The following PCLO variants were observed in gnomAD, a reference collection of about 807,000 sequenced individuals.
PCLO encodes piccolo presynaptic cytomatrix protein.
Under a neutral mutation model 427.5 loss-of-function variants are expected in PCLO, and 82 were observed. That is an observed-to-expected ratio of 0.19 (90% CI 0.16 to 0.23). The LOEUF is 0.23. Ranked by LOEUF, PCLO falls within the 10% of genes least tolerant of loss-of-function variation. The pLI, the probability that PCLO is intolerant of heterozygous loss-of-function variation, is 1.00. For synonymous variants in PCLO, 2,357 were observed against 2,155.4 expected, an observed-to-expected ratio of 1.09 and a Z score of -2.59; for missense variants, 6,239 against 6,115.9, an observed-to-expected ratio of 1.02 and a Z score of -0.67.
At chr7:82,908,797 T>A (rs1794252620) in intron 8 of PCLO, 80 bp downstream of exon 8, 1 of 1,211,866 alleles carries the variant, frequency 8.3e-7, no homozygotes, top group East Asian at 2.4e-5. Flanking sequence ...TCATTCCTTT[T>A]AGGACAATTA....
rs1790346105 is a variant in PCLO, at chr7:82,757,638, A to G, written c.*937T>C. ...TCAACAGAAAGGAAATGTGCAGGAT[A>G]ATACATTTATTTGCAGTTTCACAAA... is the stretch of plus-strand genomic sequence containing the variant. On this transcript the variant is annotated 3_prime_UTR_variant, in exon 25 of 25. Coordinates refer to ENST00000333891, the MANE Select transcript of PCLO (RefSeq NM_033026.6). 1 of 151,964 alleles carries G rather than the reference A, an allele frequency of 6.6e-6. No individual in the cohort carries two copies. The highest frequency in any genetic ancestry group is 1.5e-5 in the Non-Finnish European group (1 of 67,918). The allele number at this position is 151,964 out of a possible 1,614,324, so 9.4% of individuals were successfully genotyped here.
At chr7:82,795,099 A>G (rs1791198235) in intron 22 of PCLO, among the ~76,000 whole-genome samples, 1 of 152,140 alleles carries the variant, frequency 6.6e-6, no homozygotes, top group Non-Finnish European at 1.5e-5. Flanking sequence ...TTTTAAATTT[A>G]ATCTCCTTAA....
At position 83,050,314 on chromosome 7, in the gene PCLO, C is replaced by A. The variant is rs75411469; in HGVS notation, c.3301-83827G>T. On this transcript the variant is annotated intron_variant, in intron 3 of 24. Coordinates refer to ENST00000333891, the MANE Select transcript of PCLO (RefSeq NM_033026.6). ...ACAAAACCAAAAAAGCAAATACTTTCTAAACCAATTAGAATATTATCTGGC... is the reference window on the plus strand; with the variant it reads ...ACAAAACCAAAAAAGCAAATACTTTATAAACCAATTAGAATATTATCTGGC... Among the ~76,000 whole-genome samples, 209 of 134,020 alleles carry A rather than the reference C, an allele frequency of 1.6e-3. 3 individuals carry two copies. The East Asian group carries it at 0.038, about 24-fold the overall frequency. 87.9% of individuals were successfully genotyped at this position (134,020 alleles called of 152,430 possible). A position where few individuals can be genotyped will look rare whatever the true frequency, so the allele number is the denominator to read the frequency against.
chr7:82,914,036 C>G lies in PCLO; in HGVS notation c.13300+650G>C, dbSNP rs367939126. On this transcript the variant is annotated intron_variant, in intron 7 of 24. Coordinates refer to ENST00000333891, the MANE Select transcript of PCLO (RefSeq NM_033026.6). The stretch of plus-strand genomic sequence containing the variant: ...CATGTCTTATTTAGTACTAAACTTT[C>G]TAGCATATAATGCAAAATTACAAAT... Among the ~76,000 whole-genome samples, 4 of 151,908 alleles carry G rather than the reference C, an allele frequency of 2.6e-5. No homozygotes were observed. In the East Asian group the frequency reaches 5.8e-4, roughly 22 times the overall value.
At position 82,826,679 on chromosome 7, in the gene PCLO, A is replaced by T. The variant is rs760779105; in HGVS notation, c.14344-19T>A. ...TCTTGAGCTATATAGTTCAAATAGA[A>T]ATCTAATTAAACCTATCTTTCCATC... On this transcript the variant is annotated intron_variant, in intron 17 of 24. Transcript: ENST00000333891. The T allele has an allele frequency of 2.0e-6, 3 of 1,468,292 alleles. No homozygotes were observed. In the African/African-American group the frequency reaches 4.2e-5, roughly 20 times the overall value. The allele number at this position is 1,468,292 out of a possible 1,614,324, so 91.0% of individuals were successfully genotyped here.
At chr7:82,962,222 A>C (rs11982533) in intron 4 of PCLO, among the ~76,000 whole-genome samples, 11,224 of 152,196 alleles carry the variant, frequency 0.074, 1,409 homozygotes, top group African/African-American at 0.26. Context: ...TAATTTTCAG[A>C]AAATAAGTTT....
rs1272939680 is a variant in PCLO at position 82,882,102 on chromosome 7, T to C, written c.13529-2640A>G. Among the ~76,000 whole-genome samples, 4 of 152,192 alleles carry C rather than the reference T, an allele frequency of 2.6e-5. No homozygotes were observed. The East Asian group carries it at 5.8e-4, about 22-fold the overall frequency. The stretch of plus-strand genomic sequence containing the variant: ...CTAATTTGAATGTCGTGAAAAGAAA[T>C]TGAATTTATATAATTTTAAAGAATT... On this transcript the variant is annotated intron_variant, in intron 9 of 24. Transcript: ENST00000333891.
At chr7:83,011,509 T>C (rs1223553860) in intron 3 of PCLO, among the ~76,000 whole-genome samples, 1 of 151,996 alleles carries the variant, frequency 6.6e-6, no homozygotes, top group Non-Finnish European at 1.5e-5. Context: ...ACAAATCTCA[T>C]TATGTGATTT....
intron 3 of PCLO, among the ~76,000 whole-genome samples, chr7:83,125,431 G>A (rs1256389098): frequency 2.6e-5 from 4 of 152,222 alleles, no homozygotes; most frequent in Non-Finnish European, 5.9e-5. Context: ...TGACGATGGT[G>A]GTTTTGTCGA....
intron 3 of PCLO, among the ~76,000 whole-genome samples, chr7:83,027,247 G>A (rs1788526154): frequency 6.9e-6 from 1 of 145,928 alleles, no homozygotes; most frequent in Non-Finnish European, 1.5e-5. Context: ...GAATCAAATA[G>A]ACGCAATAAA....
At chr7:83,103,933 A>G (rs939038271) in intron 3 of PCLO, among the ~76,000 whole-genome samples, 15 of 152,090 alleles carry the variant, frequency 9.9e-5, no homozygotes, top group African/African-American at 3.6e-4. Context: ...CAGAAATGTC[A>G]ATGCATTTAA....
At chr7:82,858,484 ATC>A in intron 10 of PCLO, among the ~76,000 whole-genome samples, 1 of 152,166 alleles carries the variant, frequency 6.6e-6, no homozygotes, top group South Asian at 2.1e-4. Context: ...AAGAAAATAC[ATC>A]TATACTGGAG....
chr7:82,835,596 A>T, intron 16 of PCLO, 71 bp downstream of exon 16: 1 of 1,172,508 alleles, frequency 8.5e-7, no homozygotes, highest in Non-Finnish European at 1.3e-6. Flanking sequence ...CAGTGAATGT[A>T]CATAAAAATG....
chr7:82,963,144 A>G lies in PCLO; in HGVS notation c.4017+2627T>C, dbSNP rs559825799. On this transcript the variant is annotated intron_variant, in intron 4 of 24. Coordinates refer to ENST00000333891, the MANE Select transcript of PCLO (RefSeq NM_033026.6). ...ATACCTGTTTCTTTGAGAAAATTATAATGTGGAAACAGCTCTTTGAAGATA... is the reference window on the plus strand; with the variant it reads ...ATACCTGTTTCTTTGAGAAAATTATGATGTGGAAACAGCTCTTTGAAGATA... 2.6e-5 allele frequency among the ~76,000 whole-genome samples: 4 copies of G among 152,164 alleles called. No individual in the cohort carries two copies. The East Asian group carries it at 7.7e-4, about 29-fold the overall frequency.
At chr7:82,767,223 G>A (rs1790550340) in intron 22 of PCLO, among the ~76,000 whole-genome samples, 1 of 152,142 alleles carries the variant, frequency 6.6e-6, no homozygotes, top group Non-Finnish European at 1.5e-5. Flanking sequence ...AATGGCATTA[G>A]AAAATGCTTT....
intron 20 of PCLO, among the ~76,000 whole-genome samples, chr7:82,813,043 A>G (rs759529078): frequency 6.6e-6 from 1 of 151,722 alleles, no homozygotes; most frequent in Non-Finnish European, 1.5e-5. Context: ...AACTTACATC[A>G]CGACTGCTTA....
intron 3 of PCLO, among the ~76,000 whole-genome samples, chr7:83,012,455 T>C (rs1408783709): frequency 1.3e-5 from 2 of 151,684 alleles, no homozygotes. Context: ...CCATCTCTAC[T>C]AAAAATACAA....
intron 3 of PCLO, among the ~76,000 whole-genome samples, chr7:83,025,333 CA>C (rs1474171668): frequency 1.3e-5 from 2 of 150,610 alleles, no homozygotes; most frequent in African/African-American, 4.9e-5. Context: ...CCGATGCGAT[CA>C]ACTGGAAGAA....
chr7:82,906,125 A>G (rs984167453), intron 8 of PCLO, among the ~76,000 whole-genome samples: 6 of 151,978 alleles, frequency 3.9e-5, no homozygotes, highest in Admixed American at 3.9e-4. Flanking sequence ...ATGGACTTTA[A>G]GATTCGGTTT....
Sources: gnomAD v4.1 joint callset for allele counts (sites outside exome capture counted in the v4.1 genomes callset) on GRCh38, gnomAD v4.1.1 for gene constraint, MANE v1.5 for transcripts, NCBI Gene and HGNC (gene_info 2026-07-23, HGNC 2026-07-21) for gene names.